Variants in SGCD observed in about 807,000 individuals in gnomAD.
SGCD encodes sarcoglycan delta.
A neutral mutation model predicts 36.6 loss-of-function variants in SGCD; 18 were observed. That is an observed-to-expected ratio of 0.49 (90% confidence interval 0.34 to 0.73). The LOEUF is 0.73. Among genes scored for constraint, SGCD ranks in the 30% least tolerant of loss-of-function variants. The probability of loss-of-function intolerance (pLI) is 0.01; values close to 1 mark genes in which losing one functional copy is unlikely to be tolerated. For missense variants in SGCD, 387 were observed against 346.7 expected, an observed-to-expected ratio of 1.12 and a Z score of -0.92; for synonymous variants, 133 against 130.6, an observed-to-expected ratio of 1.02 and a Z score of -0.12.
chr5:156,004,744 T>G (rs745914164), intron 1 of SGCD, among the ~76,000 whole-genome samples: 1 of 152,226 alleles, frequency 6.6e-6, no homozygotes, highest in Non-Finnish European at 1.5e-5. Context: ...TTGTATGTAG[T>G]ACAAGTGCTC....
chr5:156,337,210 A>G lies in SGCD; in HGVS notation c.4-7279A>G, dbSNP rs150998856. Among the ~76,000 whole-genome samples the G allele has an allele frequency of 3.0e-4, 46 of 152,338 alleles. 1 individual carries two copies. Among genetic ancestry groups the G allele is most frequent in the African/African-American group, 8.9e-4 (37 of 41,580 alleles). ...GCTTAGATTCCACAACAAACTCTAG[A>G]AACTGTAATGAGCCTTTGAGGGAAC... On this transcript the variant is annotated intron_variant, in intron 2 of 8. Transcript: ENST00000337851.
chr5:155,896,782 G>T lies in SGCD; in HGVS notation c.-282+26358G>T, dbSNP rs146097418. Among the ~76,000 whole-genome samples, 578 of 152,298 alleles carry T rather than the reference G, an allele frequency of 3.8e-3. 2 individuals carry two copies. Among genetic ancestry groups the T allele is most frequent in the African/African-American group, 0.013 (555 of 41,556 alleles). ...GAGTTGCCTCAAGGATCACCATACT[G>T]TTTGCCAGCCTAGCTAGGAGACTGG... On this transcript the variant is annotated intron_variant, in intron 1 of 9. Transcript: ENST00000517913.
intron 4 of SGCD, among the ~76,000 whole-genome samples, chr5:156,586,210 A>G (rs1368942446): frequency 6.6e-6 from 1 of 152,144 alleles, no homozygotes; most frequent in Non-Finnish European, 1.5e-5. Flanking sequence ...ACAGTTTTGA[A>G]GGGTACTGAT....
intron 7 of SGCD, among the ~76,000 whole-genome samples, chr5:156,720,642 C>G (rs969699523): frequency 6.6e-6 from 1 of 152,146 alleles, no homozygotes; most frequent in African/African-American, 2.4e-5. Flanking sequence ...TGAGCAAAGG[C>G]CTGAAATCAG....
At chr5:155,880,536 T>C (rs1307377880) in intron 1 of SGCD, among the ~76,000 whole-genome samples, 1 of 152,158 alleles carries the variant, frequency 6.6e-6, no homozygotes, top group Non-Finnish European at 1.5e-5. Flanking sequence ...ACTGCCAAAA[T>C]CTGTCAGTCA....
chr5:156,540,910 G>A (rs562168356), intron 4 of SGCD, among the ~76,000 whole-genome samples: 38 of 152,228 alleles, frequency 2.5e-4, no homozygotes, highest in Middle Eastern at 6.8e-3. Flanking sequence ...ACATTTTCCC[G>A]CTTCCATGGA....
At chr5:155,942,334 G>GTATGTATGTATCTATC (rs779514666) in intron 1 of SGCD, among the ~76,000 whole-genome samples, 111 of 138,496 alleles carry the variant, frequency 8.0e-4, no homozygotes, top group Non-Finnish European at 1.5e-3. Flanking sequence ...ATGTATGTAT[G>GTATGTATGTATCTATC]TATCTATCTA....
In SGCD at chr5:155,943,271, G is replaced by T. The variant is rs2113414765; in HGVS notation, c.-282+72847G>T. Among the ~76,000 whole-genome samples the T allele has an allele frequency of 2.6e-5, 4 of 152,272 alleles. No homozygotes were observed. The East Asian group carries it at 5.8e-4, about 22-fold the overall frequency. On this transcript the variant is annotated intron_variant, in intron 1 of 9. Coordinates refer to the SGCD transcript ENST00000517913. ...GCTTGACAAAAGTGTTTGACACATA[G>T]TCCCCAATAACATTTTTGTTACAAT...
At chr5:156,199,900 C>T (rs949423871) in intron 3 of SGCD, among the ~76,000 whole-genome samples, 6 of 152,210 alleles carry the variant, frequency 3.9e-5, no homozygotes, top group African/African-American at 1.4e-4. Context: ...CTTAGGGCCT[C>T]ATGGACTTTA....
intron 1 of SGCD, among the ~76,000 whole-genome samples, chr5:155,968,968 T>C (rs1757955867): frequency 6.6e-6 from 1 of 152,166 alleles, no homozygotes; most frequent in Non-Finnish European, 1.5e-5. Flanking sequence ...GTAAACACTA[T>C]ATTTTGTAGA....
At chr5:156,206,422 A>G (rs1266897933) in intron 3 of SGCD, among the ~76,000 whole-genome samples, 1 of 152,042 alleles carries the variant, frequency 6.6e-6, no homozygotes, top group Non-Finnish European at 1.5e-5. Flanking sequence ...ATTCTTAGGT[A>G]TTGCAAAATT....
chr5:155,729,304 A>G, the SGCD span, among the ~76,000 whole-genome samples: 2 of 152,278 alleles, frequency 1.3e-5, no homozygotes, highest in East Asian at 3.9e-4. Context: ...ATAAGCGCTT[A>G]GAGATCCGCA....
the SGCD span, among the ~76,000 whole-genome samples, chr5:155,789,937 A>G: frequency 2.6e-5 from 4 of 152,110 alleles, no homozygotes; most frequent in East Asian, 7.7e-4. Flanking sequence ...TTTTCTTAGT[A>G]GTTCTTCTTT....
rs181224208 is a variant in SGCD at position 156,722,980 on chromosome 5, T to C, written c.576-34601T>C. Among the ~76,000 whole-genome samples the C allele has an allele frequency of 4.1e-3, 628 of 152,350 alleles. 4 individuals carry two copies. The highest frequency in any genetic ancestry group is 0.014 in the African/African-American group (599 of 41,588). ...TGTCTTCATTTAGGGTAAAAGCTTT[T>C]TGTATAATCTTTGCTTGCTAGTAAA... On this transcript the variant is annotated intron_variant, in intron 7 of 8. Transcript: ENST00000337851.
At chr5:156,294,132 G>T (rs1766833229) in intron 3 of SGCD, among the ~76,000 whole-genome samples, 1 of 151,944 alleles carries the variant, frequency 6.6e-6, no homozygotes, top group African/African-American at 2.4e-5. Context: ...TTTCATTTTT[G>T]AATTGCTCAT....
intron 3 of SGCD, among the ~76,000 whole-genome samples, chr5:156,305,217 C>T (rs1334596353): frequency 2.0e-5 from 3 of 152,168 alleles, no homozygotes; most frequent in Non-Finnish European, 4.4e-5. Context: ...GGCATTCCCT[C>T]CCATCACAGG....
At chr5:156,116,139 G>C (rs1247463658) in intron 1 of SGCD, among the ~76,000 whole-genome samples, 4 of 152,034 alleles carry the variant, frequency 2.6e-5, no homozygotes. Flanking sequence ...AGACCACAAA[G>C]AAAGGCAGCT....
chr5:156,671,792 G>A (rs1049813569), intron 7 of SGCD, among the ~76,000 whole-genome samples: 3 of 152,204 alleles, frequency 2.0e-5, no homozygotes. Context: ...CACATGCTGT[G>A]TAAGAAGCAT....
At chr5:156,281,154 G>A (rs1266809701) in intron 3 of SGCD, among the ~76,000 whole-genome samples, 1 of 152,100 alleles carries the variant, frequency 6.6e-6, no homozygotes, top group Non-Finnish European at 1.5e-5. Context: ...TTTTGAAAGT[G>A]TTATGTTTAA....
Sources: gnomAD v4.1 joint callset for allele counts (sites outside exome capture counted in the v4.1 genomes callset) on GRCh38, gnomAD v4.1.1 for gene constraint, MANE v1.5 for transcripts, NCBI Gene and HGNC (gene_info 2026-07-23, HGNC 2026-07-21) for gene names.